ANKRD18B: variants seen among roughly 807,000 people sequenced by gnomAD.
The protein encoded by ANKRD18B is ankyrin repeat domain-containing protein 18B.
In ANKRD18B, 75 loss-of-function variants were observed where a neutral mutation model predicts 111.8. That is an observed-to-expected ratio of 0.67 (90% CI 0.56 to 0.81). The LOEUF (loss-of-function observed/expected upper bound fraction) is 0.81. Among genes scored for constraint, ANKRD18B ranks in the 40% least tolerant of loss-of-function variants. ANKRD18B has a pLI of 0.00. For synonymous variants in ANKRD18B, 356 were observed against 417.3 expected (o/e 0.85, Z 1.79); for missense variants, 1,038 against 1,225.5 (o/e 0.85, Z 2.28).
At chr9:33,534,219 C>T in intron 4 of ANKRD18B, 151 bp from the exon 5 acceptor site, 2 of 1,104,314 alleles carry the variant, frequency 1.8e-6, no homozygotes, top group Non-Finnish European at 2.4e-6. Flanking sequence ...ACTTGAGCAC[C>T]CAAGATGCTT....
In ANKRD18B at chr9:33,533,063, C is replaced by A. The variant is rs201674586; in HGVS notation, c.496-376C>A. On this transcript the variant is annotated intron_variant, in intron 3 of 18. Transcript: ENST00000684830. ...ATTTATTTTAAAAACTTAAAGCATTCGCTACTATGTCTTAGGTTTTAGGGT... is the reference window on the plus strand; with the variant it reads ...ATTTATTTTAAAAACTTAAAGCATTAGCTACTATGTCTTAGGTTTTAGGGT... 3.1e-3 allele frequency among the ~76,000 whole-genome samples: 473 copies of A among 152,108 alleles called. 21 individuals carry two copies. In the East Asian group the frequency reaches 0.08, roughly 26 times the overall value.
At chr9:33,570,818 A>AG (rs1828763150) in intron 17 of ANKRD18B, among the ~76,000 whole-genome samples, 1 of 151,918 alleles carries the variant, frequency 6.6e-6, no homozygotes, top group African/African-American at 2.4e-5. Context: ...TTGTATTTTT[A>AG]GTAGAGATAG....
chr9:33,568,401 G>A (rs1319123006), intron 16 of ANKRD18B, among the ~76,000 whole-genome samples: 1 of 152,166 alleles, frequency 6.6e-6, no homozygotes, highest in Non-Finnish European at 1.5e-5. Flanking sequence ...TACCTGTTGA[G>A]CTGTACATCA....
chr9:33,537,859 G>C (rs985659105), intron 6 of ANKRD18B, among the ~76,000 whole-genome samples: 1 of 152,154 alleles, frequency 6.6e-6, no homozygotes, highest in African/African-American at 2.4e-5. Flanking sequence ...AAGTACGCTA[G>C]AGAAATGAAG....
intron 6 of ANKRD18B, among the ~76,000 whole-genome samples, chr9:33,538,518 T>C (rs1488230773): frequency 6.6e-6 from 1 of 152,162 alleles, no homozygotes; most frequent in Non-Finnish European, 1.5e-5. Flanking sequence ...GGCAGATCAC[T>C]TGAGGTCAGG....
At chr9:33,553,192 A>G (rs1265191620) in intron 12 of ANKRD18B, among the ~76,000 whole-genome samples, 1 of 142,078 alleles carries the variant, frequency 7.0e-6, no homozygotes, top group African/African-American at 2.6e-5. Flanking sequence ...TGAGACCCTG[A>G]CTCTACAAAA....
chr9:33,573,275 C>T (rs1455120920), downstream of ANKRD18B: 4 of 985,158 alleles, frequency 4.1e-6, no homozygotes, highest in East Asian at 1.1e-4. Flanking sequence ...GAACCACTGT[C>T]GCATCCACTG....
At chr9:33,567,048 A>T (rs1322963894) in intron 15 of ANKRD18B, 55 bp from the exon 16 acceptor site, 5 of 1,475,874 alleles carry the variant, frequency 3.4e-6, no homozygotes, top group Non-Finnish European at 4.5e-6. Context: ...GGCAACAAAC[A>T]TATGGTAATT....
chr9:33,529,152 A>G lies in ANKRD18B; in HGVS notation c.474A>G (p.Ala158=). 6.2e-7 allele frequency: 1 copy of G among 1,611,426 alleles called. No homozygotes were observed. Among genetic ancestry groups the G allele is most frequent in the Non-Finnish European group, 8.5e-7 (1 of 1,179,682 alleles). ...CAGAAAGACTGCTTTCCCACCATGC[A>G]AATATTGAAGCACTAAACAAGGTAC... ...SLAERLLSHH[A]NIEALNKEGN... Residue 158 remains alanine (A), a synonymous_variant, in exon 3 of 19, where the codon GCA becomes GCG. Coordinates refer to ENST00000684830, the MANE Select transcript of ANKRD18B (RefSeq NM_001393611.1).
intron 9 of ANKRD18B, 71 bp from the exon 10 acceptor site, chr9:33,543,114 T>A (rs1828303656): frequency 7.6e-7 from 1 of 1,316,158 alleles, no homozygotes; most frequent in African/African-American, 1.5e-5. Context: ...TGTGTTGTTT[T>A]GTATCAATTT....
chr9:33,535,096 G>A (rs1828176407), intron 5 of ANKRD18B, among the ~76,000 whole-genome samples: 1 of 152,066 alleles, frequency 6.6e-6, no homozygotes, highest in South Asian at 2.1e-4. Flanking sequence ...CAAGTCAGAA[G>A]AAGAGGGGAA....
chr9:33,536,597 C>T (rs1306333614), intron 5 of ANKRD18B, among the ~76,000 whole-genome samples: 1 of 152,152 alleles, frequency 6.6e-6, no homozygotes, highest in Non-Finnish European at 1.5e-5. Context: ...GGTTACAGAG[C>T]GAGGACTTAC....
Position 33,549,031 on chromosome 9 carries a change from T to C in ANKRD18B, c.2067+176T>C, listed in dbSNP as rs1828409287. 2.0e-5 allele frequency among the ~76,000 whole-genome samples: 3 copies of C among 152,126 alleles called. No individual in the cohort carries two copies. In the South Asian group the frequency reaches 6.2e-4, roughly 32 times the overall value. ...ACATGTATAGGGACAGAAAGATGAT[T>C]AATGTTTGTGTAGGCCTGGGGCTGG... On this transcript the variant is annotated intron_variant, in intron 11 of 18. Coordinates refer to ENST00000684830, the MANE Select transcript of ANKRD18B (RefSeq NM_001393611.1).
intron 1 of ANKRD18B, 128 bp downstream of exon 1, chr9:33,524,823 T>G (rs1828003699): frequency 2.6e-6 from 3 of 1,167,508 alleles, no homozygotes; most frequent in African/African-American, 3.1e-5. Flanking sequence ...CTCAGCTGCT[T>G]TCCATCGCTG....
chr9:33,546,101 T>A (rs1485426363), intron 10 of ANKRD18B, among the ~76,000 whole-genome samples: 1 of 152,230 alleles, frequency 6.6e-6, no homozygotes, highest in East Asian at 1.9e-4. Context: ...ACTGTCTAGA[T>A]TCTTTTTTCT....
At chr9:33,530,542 A>C (rs927762404) in intron 3 of ANKRD18B, among the ~76,000 whole-genome samples, 222 of 151,448 alleles carry the variant, frequency 1.5e-3, no homozygotes, top group African/African-American at 5.0e-3. Flanking sequence ...AAAAAAAAAA[A>C]AAAAAACCTC....
Position 33,548,128 on chromosome 9 carries a change from A to G in ANKRD18B, c.1340A>G (p.Asn447Ser), listed in dbSNP as rs1295564822. 2 of 1,535,082 alleles carry G rather than the reference A, an allele frequency of 1.3e-6. No homozygotes were observed. Among genetic ancestry groups the G allele is most frequent in the East Asian group, 2.5e-5 (1 of 40,794 alleles). The change falls in exon 11 of 19, where the codon AAT becomes AGT. Residue 447 changes from asparagine to serine, a missense_variant. By Grantham distance (46) the Asn-to-Ser change is conservative (BLOSUM62 1). Coordinates refer to ENST00000684830, the MANE Select transcript of ANKRD18B (RefSeq NM_001393611.1). ...AACTTTGAAAAGAGTGTAAGACTCA[A>G]TGAAGAAATGATAACAAAAAAAGTG... ...NANFEKSVRL[N>S]EEMITKKVAQ...
At chr9:33,528,072 G>A (rs980239885) in intron 1 of ANKRD18B, among the ~76,000 whole-genome samples, 4 of 152,212 alleles carry the variant, frequency 2.6e-5, no homozygotes, top group African/African-American at 7.2e-5. Context: ...GCTGAGGTGG[G>A]AAGTTCCCAT....
chr9:33,559,294 C>G (rs997529580), intron 14 of ANKRD18B, among the ~76,000 whole-genome samples: 1 of 152,132 alleles, frequency 6.6e-6, no homozygotes, highest in Non-Finnish European at 1.5e-5. Flanking sequence ...CTTACAGATG[C>G]AAATTCCCCC....
Sources: allele counts gnomAD v4.1 joint callset (sites outside exome capture counted in the v4.1 genomes callset), GRCh38; gene constraint gnomAD v4.1.1; transcripts MANE v1.5; gene names NCBI Gene and HGNC (gene_info 2026-07-23, HGNC 2026-07-21).